The following ST3GAL2 variants were observed in gnomAD, a reference collection of about 807,000 sequenced individuals.
The protein encoded by ST3GAL2 is CMP-N-acetylneuraminate-beta-galactosamide-alpha-2,3-sialyltransferase 2.
ST3GAL2 carries 16 observed loss-of-function variants against 37.5 expected under a neutral mutation model. That is an observed-to-expected ratio of 0.43 (90% CI 0.29 to 0.65). The LOEUF (loss-of-function observed/expected upper bound fraction) is 0.65. Among genes scored for constraint, ST3GAL2 ranks in the 30% least tolerant of loss-of-function variants. ST3GAL2 has a pLI of 0.17. For missense variants in ST3GAL2, 383 were observed against 487.8 expected (o/e 0.79, Z 2.02); for synonymous variants, 238 against 202.9 (o/e 1.17, Z -1.47).
chr16:70,381,524 G>A lies in ST3GAL2; in HGVS notation c.*165C>T, dbSNP rs1597552482. 4 of 774,974 alleles carry A rather than the reference G, an allele frequency of 5.2e-6. No individual in the cohort carries two copies. The highest frequency in any genetic ancestry group is 3.9e-4 in the Middle Eastern group (1 of 2,582). 48.0% of individuals were successfully genotyped at this position (774,974 alleles called of 1,614,324 possible). Reference sequence around the variant, plus strand: ...AACAGAAGCTCCGCCCGACCGCAGCGCAGATTGGTGCCAGGCCCGGCCGGT... The same window carrying A: ...AACAGAAGCTCCGCCCGACCGCAGCACAGATTGGTGCCAGGCCCGGCCGGT... On this transcript the variant is annotated 3_prime_UTR_variant, in exon 7 of 7. Coordinates refer to ENST00000342907, the MANE Select transcript of ST3GAL2 (RefSeq NM_006927.4).
rs1468381167 is a variant in ST3GAL2, at chr16:70,413,747, A to ATAAT, written c.-1003-14218_-1003-14215dup. Among the ~76,000 whole-genome samples the ATAAT allele has an allele frequency of 1.2e-4, 16 of 130,378 alleles. 1 individual carries two copies. The highest frequency in any genetic ancestry group is 1.0e-3 in the Admixed American group (13 of 12,996). The allele number at this position is 130,378 out of a possible 152,430, so 85.5% of individuals were successfully genotyped here. A position where few individuals can be genotyped will look rare whatever the true frequency, so the allele number is the denominator to read the frequency against. On this transcript the variant is annotated intron_variant, in intron 1 of 6. Coordinates refer to ENST00000342907, the MANE Select transcript of ST3GAL2 (RefSeq NM_006927.4). ...GCGAAACTCCATCTCAAAAAAGAAA[A>ATAAT]TAATAAATAAATAAATAAATAAATA...
Position 70,398,747 on chromosome 16 carries a change from G to A in ST3GAL2, c.-217C>T. On this transcript the variant is annotated 5_prime_UTR_variant, in exon 2 of 7. Coordinates refer to ENST00000342907, the MANE Select transcript of ST3GAL2 (RefSeq NM_006927.4). The stretch of plus-strand genomic sequence containing the variant: ...TGGCTGTCCTGTCCCTGAGTCAGGC[G>A]GGGCCCCTGCTTAGGGCTTCATCGG... 5 of 600,240 alleles carry A rather than the reference G, an allele frequency of 8.3e-6. No homozygotes were observed. Among genetic ancestry groups the A allele is most frequent in the South Asian group, 4.1e-5 (2 of 49,286 alleles). The allele number at this position is 600,240 out of a possible 1,614,324, so 37.2% of individuals were successfully genotyped here.
intron 1 of ST3GAL2, among the ~76,000 whole-genome samples, chr16:70,401,310 C>G (rs1197501719): frequency 6.6e-6 from 1 of 152,182 alleles, no homozygotes; most frequent in East Asian, 1.9e-4. Flanking sequence ...TAGATCAACG[C>G]AGGGGGCACG....
intron 1 of ST3GAL2, among the ~76,000 whole-genome samples, chr16:70,414,093 T>C (rs1401136426): frequency 2.0e-5 from 3 of 152,238 alleles, no homozygotes; most frequent in East Asian, 1.9e-4. Context: ...ATTACTGCTA[T>C]GTGTTTAGAG....
chr16:70,395,902 C>T (rs977168623), intron 2 of ST3GAL2, among the ~76,000 whole-genome samples: 2 of 152,112 alleles, frequency 1.3e-5, no homozygotes, highest in Non-Finnish European at 2.9e-5. Flanking sequence ...CCCAGAAGGG[C>T]CAAAGTTTCC....
chr16:70,396,466 G>T (rs561036314), intron 2 of ST3GAL2, among the ~76,000 whole-genome samples: 1 of 152,088 alleles, frequency 6.6e-6, no homozygotes, highest in African/African-American at 2.4e-5. Flanking sequence ...TTAGCCAGGC[G>T]TGGTGGCACG....
At chr16:70,431,819 C>A (rs1258732277) in intron 1 of ST3GAL2, among the ~76,000 whole-genome samples, 1 of 151,832 alleles carries the variant, frequency 6.6e-6, no homozygotes, top group African/African-American at 2.4e-5. Flanking sequence ...AGAAAATTAG[C>A]CAGGCGTGGT....
intron 1 of ST3GAL2, among the ~76,000 whole-genome samples, chr16:70,427,284 C>G (rs118037588): frequency 0.011 from 1,617 of 152,010 alleles, 13 homozygotes; most frequent in Non-Finnish European, 0.018. Context: ...TCAACTTGCC[C>G]CAAACCAAAC....
At position 70,379,899 on chromosome 16, in the gene ST3GAL2, A is replaced by G. The variant is rs893182950; in HGVS notation, c.*1790T>C. The stretch of plus-strand genomic sequence containing the variant: ...AGTAATCCGCCCGCCTTGGCCTCCC[A>G]AAGTGCTGGGATGACAGGTGTGAGC... On this transcript the variant is annotated 3_prime_UTR_variant, in exon 7 of 7. Coordinates refer to ENST00000342907, the MANE Select transcript of ST3GAL2 (RefSeq NM_006927.4). 6.6e-6 allele frequency: 1 copy of G among 151,576 alleles called. No individual in the cohort carries two copies. The highest frequency in any genetic ancestry group is 2.4e-5 in the African/African-American group (1 of 41,230). 9.4% of individuals were successfully genotyped at this position (151,576 alleles called of 1,614,324 possible). A position where few individuals can be genotyped will look rare whatever the true frequency, so the allele number is the denominator to read the frequency against.
chr16:70,399,674 C>G (rs1054072702), intron 1 of ST3GAL2, 141 bp from the exon 2 acceptor site: 61 of 377,186 alleles, frequency 1.6e-4, no homozygotes, highest in African/African-American at 1.1e-3. Context: ...AAGGGCTCTG[C>G]CCTCTAGCTG....
rs933876795 is a variant in ST3GAL2 at position 70,377,565 on chromosome 16, C to CTATT, written c.*4123_*4124insAATA. 1 of 151,718 alleles carries CTATT rather than the reference C, an allele frequency of 6.6e-6. No homozygotes were observed. The highest frequency in any genetic ancestry group is 1.5e-5 in the Non-Finnish European group (1 of 68,084). 9.4% of individuals were successfully genotyped at this position (151,718 alleles called of 1,614,324 possible). A position where few individuals can be genotyped will look rare whatever the true frequency, so the allele number is the denominator to read the frequency against. On this transcript the variant is annotated 3_prime_UTR_variant, in exon 7 of 7. Coordinates refer to ENST00000342907, the MANE Select transcript of ST3GAL2 (RefSeq NM_006927.4). ...AGAGGCCGGGCACGGTGGCTCACAC[C>CTATT]TGTAATGCCAGCACCTTGGGAGGCC...
rs1272385123 is a variant in ST3GAL2 at position 70,423,179 on chromosome 16, C to CG, written c.-1004+15769dup. ...ACCAGCTATCACACAGATCTCCCCC[C>CG]GGGCCATTAAGAGGAAGGGACCATT... On this transcript the variant is annotated intron_variant, in intron 1 of 6. Coordinates refer to ENST00000342907, the MANE Select transcript of ST3GAL2 (RefSeq NM_006927.4). 4 of 152,244 alleles carry CG rather than the reference C, an allele frequency of 2.6e-5. No homozygotes were observed. The South Asian group carries it at 6.2e-4, about 24-fold the overall frequency. 9.4% of individuals were successfully genotyped at this position (152,244 alleles called of 1,614,324 possible). A position where few individuals can be genotyped will look rare whatever the true frequency, so the allele number is the denominator to read the frequency against.
chr16:70,425,710 G>A (rs1191625753), intron 1 of ST3GAL2, among the ~76,000 whole-genome samples: 2 of 151,956 alleles, frequency 1.3e-5, no homozygotes, highest in African/African-American at 2.4e-5. Flanking sequence ...TAACAAGAGC[G>A]AAACTCTGTC....
At chr16:70,405,516 G>C (rs932608092) in intron 1 of ST3GAL2, among the ~76,000 whole-genome samples, 1 of 140,888 alleles carries the variant, frequency 7.1e-6, no homozygotes, top group Non-Finnish European at 1.5e-5. Context: ...ACTCCAGCCT[G>C]GGTGACACAG....
intron 5 of ST3GAL2, 119 bp from the exon 6 acceptor site, chr16:70,383,043 C>G: frequency 6.3e-7 from 1 of 1,580,624 alleles, no homozygotes; most frequent in African/African-American, 1.4e-5. Flanking sequence ...TCTCCTGAAT[C>G]GTGTGGCACC....
At chr16:70,431,105 C>G (rs534422777) in intron 1 of ST3GAL2, among the ~76,000 whole-genome samples, 95 of 101,234 alleles carry the variant, frequency 9.4e-4, no homozygotes, top group African/African-American at 3.7e-3. Flanking sequence ...GTGGGGGAGG[C>G]AGGCAGCAGG....
intron 4 of ST3GAL2, among the ~76,000 whole-genome samples, chr16:70,385,192 C>G (rs1366441473): frequency 6.6e-6 from 1 of 152,014 alleles, no homozygotes; most frequent in Admixed American, 6.6e-5. Flanking sequence ...GTAGTCTCAG[C>G]TACTCGGGAG....
intron 1 of ST3GAL2, among the ~76,000 whole-genome samples, chr16:70,426,150 T>C (rs1453298565): frequency 1.3e-5 from 2 of 149,634 alleles, no homozygotes; most frequent in Non-Finnish European, 3.0e-5. Flanking sequence ...GTTCCATTGC[T>C]CATCTTGCAA....
At chr16:70,432,158 T>C (rs777983367) in intron 1 of ST3GAL2, among the ~76,000 whole-genome samples, 5 of 152,136 alleles carry the variant, frequency 3.3e-5, no homozygotes, top group Admixed American at 1.3e-4. Context: ...TTTAGCATGA[T>C]TGGTAAAATT....
Sources: gnomAD v4.1 joint callset for allele counts (sites outside exome capture counted in the v4.1 genomes callset) on GRCh38, gnomAD v4.1.1 for gene constraint, MANE v1.5 for transcripts, NCBI Gene and HGNC (gene_info 2026-07-23, HGNC 2026-07-21) for gene names.